The following CLDN14 variants were observed in gnomAD, a reference collection of about 807,000 sequenced individuals.
CLDN14 encodes the protein claudin-14.
CLDN14 carries 2 observed loss-of-function variants against 2.1 expected under a neutral mutation model. The ratio of observed to expected loss-of-function variants is 0.96; its 90% CI spans 0.39 to 3.01. CLDN14 has a LOEUF of 3.01. Ranked by LOEUF, CLDN14 falls within the 30% of genes most tolerant of loss-of-function variation. The pLI, the probability that CLDN14 is intolerant of heterozygous loss-of-function variation, is 0.09. For missense variants in CLDN14, 298 were observed against 328.0 expected (o/e 0.91, Z 0.71); for synonymous variants, 136 against 154.4 (o/e 0.88, Z 0.88).
intron 2 of CLDN14, among the ~76,000 whole-genome samples, chr21:36,485,616 A>T (rs2086887032): frequency 6.6e-6 from 1 of 152,198 alleles, no homozygotes; most frequent in Non-Finnish European, 1.5e-5. Flanking sequence ...CGCAGCAGTC[A>T]AGTTCATTTC....
At chr21:36,494,218 T>G (rs2086994906) in intron 2 of CLDN14, among the ~76,000 whole-genome samples, 1 of 152,148 alleles carries the variant, frequency 6.6e-6, no homozygotes, top group Non-Finnish European at 1.5e-5. Context: ...CTGGTCGCCA[T>G]GTAGGATATG....
chr21:36,565,762 C>A (rs552190444), intron 1 of CLDN14, among the ~76,000 whole-genome samples: 4 of 152,258 alleles, frequency 2.6e-5, no homozygotes, highest in Admixed American at 6.5e-5. Context: ...TCTTCCAAAG[C>A]AGTTGTGCTT....
intron 2 of CLDN14, chr21:36,486,161 GGCTGGCAAGTGTCCATGGCTGA>G (rs749800591): frequency 2.7e-5 from 33 of 1,235,504 alleles, no homozygotes; most frequent in South Asian, 2.5e-4. Flanking sequence ...CTCCTTGGCT[GGCTGGCAAGTGTCCATGGCTGA>G]GCTGGCATCA....
chr21:36,492,527 G>A (rs1195585508), intron 2 of CLDN14, among the ~76,000 whole-genome samples: 10 of 151,964 alleles, frequency 6.6e-5, no homozygotes, highest in Admixed American at 2.0e-4. Context: ...TACTTGGGAG[G>A]CTGAGGTGGG....
At chr21:36,462,749 G>T (rs561795274) in intron 1 of CLDN14, among the ~76,000 whole-genome samples, 164 of 151,986 alleles carry the variant, frequency 1.1e-3, no homozygotes, top group Non-Finnish European at 2.0e-3. Flanking sequence ...GGCCAACATG[G>T]TGAAACCCCG....
chr21:36,497,707 C>T (rs2087050884), intron 2 of CLDN14, among the ~76,000 whole-genome samples: 1 of 152,098 alleles, frequency 6.6e-6, no homozygotes. Flanking sequence ...CTTTCCCGTC[C>T]ACAGATCACA....
At chr21:36,507,592 C>T (rs7280851) in intron 2 of CLDN14, among the ~76,000 whole-genome samples, 7,134 of 152,124 alleles carry the variant, frequency 0.047, 561 homozygotes, top group African/African-American at 0.16. Context: ...GGTGGAGTCC[C>T]GTCTCTACTA....
chr21:36,528,274 G>T (rs1601624908), intron 1 of CLDN14, among the ~76,000 whole-genome samples: 1 of 152,266 alleles, frequency 6.6e-6, no homozygotes, highest in Middle Eastern at 3.4e-3. Context: ...TGTGGTTAGG[G>T]TATTCCATGC....
At chr21:36,540,441 A>G (rs1444747137) in intron 1 of CLDN14, among the ~76,000 whole-genome samples, 2 of 152,204 alleles carry the variant, frequency 1.3e-5, no homozygotes, top group Non-Finnish European at 2.9e-5. Flanking sequence ...AGCCAACTGT[A>G]CATCACATAG....
At chr21:36,504,916 A>G (rs1481087500) in intron 2 of CLDN14, among the ~76,000 whole-genome samples, 1 of 152,218 alleles carries the variant, frequency 6.6e-6, no homozygotes, top group Non-Finnish European at 1.5e-5. Context: ...ATTTGGGCTG[A>G]TAGGACTGGG....
intron 2 of CLDN14, among the ~76,000 whole-genome samples, chr21:36,507,072 A>C (rs898780143): frequency 1.3e-5 from 2 of 151,908 alleles, no homozygotes; most frequent in South Asian, 4.2e-4. Flanking sequence ...GCAGTGAGCT[A>C]TGATCACACC....
At chr21:36,464,417 C>T (rs1156379114) in intron 1 of CLDN14, among the ~76,000 whole-genome samples, 1 of 152,168 alleles carries the variant, frequency 6.6e-6, no homozygotes, top group Non-Finnish European at 1.5e-5. Flanking sequence ...CTTTGGGTGA[C>T]TATTTGTTCA....
chr21:36,562,224 A>T (rs2087641121), intron 1 of CLDN14, among the ~76,000 whole-genome samples: 1 of 152,154 alleles, frequency 6.6e-6, no homozygotes, highest in African/African-American at 2.4e-5. Flanking sequence ...TAGGATGGGT[A>T]CTGTTGAAAG....
At chr21:36,492,516 C>G (rs2086978755) in intron 2 of CLDN14, among the ~76,000 whole-genome samples, 1 of 150,250 alleles carries the variant, frequency 6.7e-6, no homozygotes, top group African/African-American at 2.4e-5. Context: ...GTAATCCCAG[C>G]TACTTGGGAG....
intron 1 of CLDN14, among the ~76,000 whole-genome samples, chr21:36,475,638 C>T (rs2086768843): frequency 6.6e-6 from 1 of 152,176 alleles, no homozygotes; most frequent in Admixed American, 6.5e-5. Flanking sequence ...GCGGCCTTGA[C>T]CTCCTGAGCT....
At chr21:36,563,724 G>A (rs1000733659) in intron 1 of CLDN14, among the ~76,000 whole-genome samples, 1 of 152,202 alleles carries the variant, frequency 6.6e-6, no homozygotes, top group Non-Finnish European at 1.5e-5. Context: ...GGTGGGGATA[G>A]TGGAGATGCG....
upstream of CLDN14, among the ~76,000 whole-genome samples, chr21:36,482,408 A>G (rs376111783): frequency 0.045 from 4,389 of 96,876 alleles, 119 homozygotes; most frequent in East Asian, 0.15. Flanking sequence ...ATGGATGGAT[A>G]GACGGATGGA....
rs76493629 is a variant in CLDN14 at position 36,520,108 on chromosome 21, C to T, written c.-219-9608G>A. Among the ~76,000 whole-genome samples the T allele has an allele frequency of 1.4e-3, 220 of 152,288 alleles. 1 individual carries two copies. Among genetic ancestry groups the T allele is most frequent in the African/African-American group, 5.0e-3 (207 of 41,566 alleles). On this transcript the variant is annotated intron_variant, in intron 1 of 2. Transcript: ENST00000342108. ...AGGGAGGATCCTTCCTTGCCCCTCC[C>T]TGGCTTCTAAACTTTTCTGGTCCTC...
chr21:36,491,196 G>A (rs1252374128), intron 2 of CLDN14, among the ~76,000 whole-genome samples: 1 of 152,160 alleles, frequency 6.6e-6, no homozygotes, highest in East Asian at 1.9e-4. Flanking sequence ...AAAGGGCTCA[G>A]CTCTGGTGCA....
Sources: gnomAD v4.1 joint callset for allele counts (sites outside exome capture counted in the v4.1 genomes callset) on GRCh38, gnomAD v4.1.1 for gene constraint, MANE v1.5 for transcripts, NCBI Gene and HGNC (gene_info 2026-07-23, HGNC 2026-07-21) for gene names.